The following ANO3 variants were observed in gnomAD, a reference collection of about 807,000 sequenced individuals.
The protein encoded by ANO3 is anoctamin 3.
Under a neutral mutation model 144.8 loss-of-function variants are expected in ANO3, and 99 were observed. The observed-to-expected ratio is 0.68, with a 90% CI of 0.58 to 0.81. The LOEUF (loss-of-function observed/expected upper bound fraction) is 0.81, where lower values mean the gene tolerates loss of function less well. Among genes scored for constraint, ANO3 ranks in the 30% least tolerant of loss-of-function variants. ANO3 has a pLI of 0.00. For missense variants in ANO3, 905 were observed against 1,202.2 expected (o/e 0.75, Z 3.66); for synonymous variants, 414 against 392.6 (o/e 1.05, Z -0.64).
intron 1 of ANO3, among the ~76,000 whole-genome samples, chr11:26,250,653 TG>T (rs1649379434): frequency 6.6e-6 from 1 of 152,204 alleles, no homozygotes; most frequent in Non-Finnish European, 1.5e-5. Context: ...TTTCTCATTT[TG>T]TCACTAGCTA....
At chr11:26,391,648 G>T (rs1274579691) in intron 1 of ANO3, among the ~76,000 whole-genome samples, 3 of 151,978 alleles carry the variant, frequency 2.0e-5, no homozygotes, top group Non-Finnish European at 1.5e-5. Flanking sequence ...CCTCTCTTCT[G>T]CAATCTCTGT....
intron 1 of ANO3, among the ~76,000 whole-genome samples, chr11:26,227,752 C>T (rs1371415804): frequency 6.6e-6 from 1 of 152,174 alleles, no homozygotes; most frequent in Non-Finnish European, 1.5e-5. Context: ...AAGCCTTATA[C>T]TCCTTCTCAG....
intron 1 of ANO3, among the ~76,000 whole-genome samples, chr11:26,243,511 G>T (rs1054912852): frequency 6.6e-6 from 1 of 152,006 alleles, no homozygotes; most frequent in Admixed American, 6.6e-5. Flanking sequence ...TATAGAGAAA[G>T]CTATTTGCTT....
intron 1 of ANO3, among the ~76,000 whole-genome samples, chr11:26,216,196 C>T (rs951312622): frequency 6.6e-6 from 1 of 151,878 alleles, no homozygotes; most frequent in South Asian, 2.1e-4. Context: ...TTAGGGTTGC[C>T]TCTTTGTGTC....
At chr11:26,653,725 C>G (rs1208749300) in intron 24 of ANO3, among the ~76,000 whole-genome samples, 1 of 151,900 alleles carries the variant, frequency 6.6e-6, no homozygotes, top group Non-Finnish European at 1.5e-5. Context: ...TCCCCAGATA[C>G]CCTCACGGCT....
chr11:26,559,778 G>C lies in ANO3; in HGVS notation c.1446G>C (p.Trp482Cys). ...TVFFAIFMAI[W>C]ATVFLEFWKR... ...TCTTTGCTATTTTTATGGCAATATGGGGTAAGTACTTTCTTCATTACTTTC... is the reference window on the plus strand; with the variant it reads ...TCTTTGCTATTTTTATGGCAATATGCGGTAAGTACTTTCTTCATTACTTTC... Residue 482 changes from tryptophan to cysteine, a missense_variant and splice_region_variant, in exon 14 of 27, where the codon TGG becomes TGC. By Grantham distance (215) the Trp-to-Cys change is radical. Coordinates refer to ENST00000256737, the MANE Select transcript of ANO3 (RefSeq NM_031418.4). The C allele has an allele frequency of 6.2e-7, 1 of 1,604,270 alleles. No homozygotes were observed. Among genetic ancestry groups the C allele is most frequent in the Non-Finnish European group, 8.5e-7 (1 of 1,172,772 alleles).
intron 1 of ANO3, among the ~76,000 whole-genome samples, chr11:26,318,339 A>T (rs1053315511): frequency 6.6e-6 from 1 of 152,206 alleles, no homozygotes; most frequent in East Asian, 1.9e-4. Context: ...ACTCAGGCAC[A>T]TTCCATAGCA....
upstream of ANO3, among the ~76,000 whole-genome samples, chr11:26,308,925 A>C (rs1418622836): frequency 6.6e-6 from 1 of 152,124 alleles, no homozygotes; most frequent in African/African-American, 2.4e-5. Flanking sequence ...AGTTCTTATT[A>C]TTATTTCTAT....
At chr11:26,289,833 T>C (rs1487147344) in intron 1 of ANO3, among the ~76,000 whole-genome samples, 3 of 151,564 alleles carry the variant, frequency 2.0e-5, no homozygotes, top group Non-Finnish European at 2.9e-5. Flanking sequence ...CAGTATTTTA[T>C]TGAGGATTTT....
chr11:26,480,765 T>C (rs1170032584), intron 4 of ANO3, among the ~76,000 whole-genome samples: 3 of 151,908 alleles, frequency 2.0e-5, no homozygotes, highest in African/African-American at 7.3e-5. Flanking sequence ...CTGAGTTCGC[T>C]CCACTGCACT....
Position 26,598,407 on chromosome 11 carries a change from T to C in ANO3, c.1490T>C (p.Leu497Pro), listed in dbSNP as rs1400471417. 6.3e-7 allele frequency: 1 copy of C among 1,589,972 alleles called. No individual in the cohort carries two copies. Among genetic ancestry groups the C allele is most frequent in the Non-Finnish European group, 8.6e-7 (1 of 1,169,432 alleles). ...TTTTGGAAAAGGAGAAGGAGTATAC[T>C]GACCTATACTTGGGACCTTATCGAA... ...LEFWKRRRSI[L>P]TYTWDLIEWE... The change falls in exon 15 of 27, where the codon CTG becomes CCG. Residue 497 changes from leucine to proline, a missense_variant. Around this residue, in one of 4 missense-constraint regions of ANO3, gnomAD observed 597 missense variants for 865.1 expected, o/e 0.69. Transcript: ENST00000256737.
chr11:26,363,933 A>G (rs1020981470), intron 1 of ANO3, among the ~76,000 whole-genome samples: 3 of 152,164 alleles, frequency 2.0e-5, no homozygotes, highest in Non-Finnish European at 4.4e-5. Context: ...AAAGTTTTTC[A>G]AAGTTCAAGT....
chr11:26,468,086 C>T (rs1190718554), intron 4 of ANO3, among the ~76,000 whole-genome samples: 1 of 151,842 alleles, frequency 6.6e-6, no homozygotes, highest in Non-Finnish European at 1.5e-5. Flanking sequence ...TCCCTCTCTC[C>T]ACCAAGGAGC....
At position 26,376,528 on chromosome 11, in the gene ANO3, T is replaced by C. The variant is rs7114015; in HGVS notation, c.46+44207T>C. Among the ~76,000 whole-genome samples, 822 of 152,308 alleles carry C rather than the reference T, an allele frequency of 5.4e-3. 5 individuals carry two copies. The highest frequency in any genetic ancestry group is 0.019 in the African/African-American group (796 of 41,588). On this transcript the variant is annotated intron_variant, in intron 1 of 26. Transcript: ENST00000256737. ...TGGTAAAGGGAACTTATGCATTTTC[T>C]TGAAACATGTCCTTCGAAGGCATCA... is the stretch of plus-strand genomic sequence containing the variant.
At position 26,226,205 on chromosome 11, in the gene ANO3, T is replaced by C. The variant is rs180763393; in HGVS notation, c.154+36875T>C. Among the ~76,000 whole-genome samples the C allele has an allele frequency of 8.8e-3, 1,341 of 152,216 alleles. 9 individuals carry two copies. The highest frequency in any genetic ancestry group is 0.014 in the Non-Finnish European group (948 of 67,954). On this transcript the variant is annotated intron_variant, in intron 1 of 27. Coordinates refer to the ANO3 transcript ENST00000672621. ...ATATAGGCAAGAATGGCAAATTACA[T>C]TTCAACAGAAGGCAAGACAGATGGT...
intron 1 of ANO3, chr11:26,287,594 T>C (rs1388032854): frequency 1.3e-5 from 2 of 152,224 alleles, no homozygotes; most frequent in South Asian, 2.1e-4. Flanking sequence ...ACTGTTATAA[T>C]GTCACTCATT....
chr11:26,334,314 G>C (rs868579895), intron 1 of ANO3, among the ~76,000 whole-genome samples: 4 of 152,142 alleles, frequency 2.6e-5, no homozygotes, highest in African/African-American at 9.7e-5. Flanking sequence ...ATCCTGCATG[G>C]GCATTAGGAA....
chr11:26,604,822 C>T (rs1479176551), intron 17 of ANO3, among the ~76,000 whole-genome samples: 2 of 152,122 alleles, frequency 1.3e-5, no homozygotes, highest in Non-Finnish European at 2.9e-5. Context: ...GGGGCTGAGA[C>T]AACGAGGTTT....
At chr11:26,362,521 T>C (rs1022406989) in intron 1 of ANO3, among the ~76,000 whole-genome samples, 2 of 152,184 alleles carry the variant, frequency 1.3e-5, no homozygotes, top group Non-Finnish European at 2.9e-5. Context: ...ATAGCAATTA[T>C]TGAATCATGG....
Sources: allele counts gnomAD v4.1 joint callset (sites outside exome capture counted in the v4.1 genomes callset), GRCh38; gene constraint gnomAD v4.1.1; regional missense constraint gnomAD v4.1.1; transcripts MANE v1.5; gene names NCBI Gene and HGNC (gene_info 2026-07-23, HGNC 2026-07-21).